CPA6: variants seen among roughly 807,000 people sequenced by gnomAD.
CPA6 encodes the protein carboxypeptidase A6, also known as carboxypeptidase B.
CPA6 carries 58 observed loss-of-function variants against 63.3 expected under a neutral mutation model. The ratio of observed to expected loss-of-function variants is 0.92; its 90% CI spans 0.74 to 1.14. The LOEUF (loss-of-function observed/expected upper bound fraction) is 1.14. Ranked by LOEUF, CPA6 falls within the 50% of genes most tolerant of loss-of-function variation. The pLI is 0.00. For synonymous variants in CPA6, 185 were observed against 179.0 expected, an observed-to-expected ratio of 1.03 and a Z score of -0.27; for missense variants, 565 against 526.6, an observed-to-expected ratio of 1.07 and a Z score of -0.71.
intron 1 of CPA6, among the ~76,000 whole-genome samples, chr8:67,692,032 C>T (rs886145604): frequency 6.6e-6 from 1 of 152,012 alleles, no homozygotes; most frequent in Non-Finnish European, 1.5e-5. Context: ...AGATGAAAAA[C>T]AATTTTAAAG....
At chr8:67,628,564 T>A (rs746630859) in intron 1 of CPA6, among the ~76,000 whole-genome samples, 3 of 152,264 alleles carry the variant, frequency 2.0e-5, no homozygotes, top group Non-Finnish European at 4.4e-5. Flanking sequence ...GTTAACAGTT[T>A]CTTGTGTATC....
chr8:67,427,190 G>A (rs1160200839), intron 10 of CPA6, among the ~76,000 whole-genome samples: 2 of 152,144 alleles, frequency 1.3e-5, no homozygotes, highest in Non-Finnish European at 2.9e-5. Context: ...TGAATTCAAG[G>A]CTGCAGTGGA....
At chr8:67,541,922 G>T (rs1010118347) in intron 2 of CPA6, among the ~76,000 whole-genome samples, 1 of 152,220 alleles carries the variant, frequency 6.6e-6, no homozygotes, top group Non-Finnish European at 1.5e-5. Context: ...TGGGAGCTGC[G>T]GACGAGAGCT....
intron 9 of CPA6, among the ~76,000 whole-genome samples, chr8:67,428,583 A>C (rs1809948223): frequency 6.6e-6 from 1 of 152,152 alleles, no homozygotes; most frequent in Non-Finnish European, 1.5e-5. Flanking sequence ...TCCTGGGTTC[A>C]AGCGATTCCC....
At chr8:67,603,356 T>G (rs1024946530) in intron 2 of CPA6, among the ~76,000 whole-genome samples, 10 of 152,162 alleles carry the variant, frequency 6.6e-5, no homozygotes, top group Non-Finnish European at 1.0e-4. Flanking sequence ...AAGTGAAACA[T>G]TTAGGAATGT....
intron 1 of CPA6, among the ~76,000 whole-genome samples, chr8:67,712,780 G>C (rs1817289240): frequency 6.6e-6 from 1 of 151,998 alleles, no homozygotes; most frequent in South Asian, 2.1e-4. Context: ...GCTGTTCTGA[G>C]TAGTGTGAAG....
chr8:67,523,761 G>T (rs1812306901), intron 2 of CPA6, among the ~76,000 whole-genome samples: 2 of 152,194 alleles, frequency 1.3e-5, no homozygotes, highest in African/African-American at 4.8e-5. Flanking sequence ...ACCTGGTTCA[G>T]GTACCATGGG....
At chr8:67,674,983 A>C (rs1816437632) in intron 1 of CPA6, among the ~76,000 whole-genome samples, 1 of 152,152 alleles carries the variant, frequency 6.6e-6, no homozygotes, top group Admixed American at 6.5e-5. Context: ...GGTACACATG[A>C]ATATAAACAT....
At chr8:67,694,223 CT>C (rs202065219) in intron 1 of CPA6, among the ~76,000 whole-genome samples, 3,171 of 152,320 alleles carry the variant, frequency 0.021, 104 homozygotes, top group African/African-American at 0.069. Context: ...TCCAATGGTG[CT>C]TGAAGTGTCA....
At chr8:67,735,727 C>A (rs1817799942) in intron 1 of CPA6, 1 of 143,852 alleles carries the variant, frequency 7.0e-6, no homozygotes, top group Non-Finnish European at 1.5e-5. Flanking sequence ...GCCCTCTTTC[C>A]TTTTAGAGCT....
chr8:67,430,016 T>C (rs2128951630), intron 9 of CPA6, among the ~76,000 whole-genome samples: 1 of 152,198 alleles, frequency 6.6e-6, no homozygotes, highest in East Asian at 1.9e-4. Context: ...TAGACACCTA[T>C]TTGAAAGGAC....
chr8:67,423,938 A>T (rs896578526), intron 10 of CPA6, among the ~76,000 whole-genome samples: 1 of 152,212 alleles, frequency 6.6e-6, no homozygotes, highest in African/African-American at 2.4e-5. Flanking sequence ...TGGGTGAGCC[A>T]GTGAAGCTTC....
chr8:67,451,048 A>C (rs1810546787), intron 8 of CPA6, among the ~76,000 whole-genome samples: 1 of 152,178 alleles, frequency 6.6e-6, no homozygotes, highest in African/African-American at 2.4e-5. Flanking sequence ...CCCGTGACTT[A>C]GCAAAACAGA....
intron 1 of CPA6, among the ~76,000 whole-genome samples, chr8:67,700,196 A>T (rs909233282): frequency 2.0e-5 from 3 of 152,188 alleles, no homozygotes; most frequent in African/African-American, 7.2e-5. Flanking sequence ...TGCAGCTCTG[A>T]TGTCTTCTGG....
chr8:67,667,007 A>C (rs1027161942), intron 1 of CPA6, among the ~76,000 whole-genome samples: 4 of 151,556 alleles, frequency 2.6e-5, no homozygotes, highest in African/African-American at 4.9e-5. Flanking sequence ...TCATATAGGC[A>C]TGTGGTTATT....
intron 1 of CPA6, among the ~76,000 whole-genome samples, chr8:67,637,442 C>CTA (rs2128989295): frequency 6.6e-6 from 1 of 151,630 alleles, no homozygotes; most frequent in South Asian, 2.1e-4. Flanking sequence ...CAAGGACTTG[C>CTA]TATATATTGT....
At chr8:67,512,769 T>C (rs1181377656) in intron 3 of CPA6, among the ~76,000 whole-genome samples, 1 of 152,234 alleles carries the variant, frequency 6.6e-6, no homozygotes, top group Non-Finnish European at 1.5e-5. Context: ...TGTTGTTTAA[T>C]GGTTTAAGTG....
intron 3 of CPA6, among the ~76,000 whole-genome samples, chr8:67,516,371 T>C (rs2128966505): frequency 6.6e-6 from 1 of 152,338 alleles, no homozygotes; most frequent in East Asian, 1.9e-4. Flanking sequence ...TCAGACACTC[T>C]TCTTTCTGCA....
chr8:67,560,626 A>C (rs1359667345), intron 2 of CPA6, among the ~76,000 whole-genome samples: 1 of 152,124 alleles, frequency 6.6e-6, no homozygotes, highest in Non-Finnish European at 1.5e-5. Context: ...TGGCTGGAAA[A>C]GGGGGGAAAG....
Sources: allele counts gnomAD v4.1 joint callset (sites outside exome capture counted in the v4.1 genomes callset), GRCh38; gene constraint gnomAD v4.1.1; transcripts MANE v1.5; gene names NCBI Gene and HGNC (gene_info 2026-07-23, HGNC 2026-07-21).